Variants in ANKRD31 observed in about 807,000 individuals in gnomAD.
ANKRD31 encodes the protein ankyrin repeat domain 31.
In ANKRD31, 147 loss-of-function variants were observed where a neutral mutation model predicts 186.0. The ratio of observed to expected loss-of-function variants is 0.79; its 90% CI spans 0.69 to 0.91. The LOEUF (loss-of-function observed/expected upper bound fraction) is 0.91. ANKRD31 is among the 40% of genes least tolerant of loss of function. The pLI is 0.00. For synonymous variants in ANKRD31, 673 were observed against 736.4 expected, an observed-to-expected ratio of 0.91 and a Z score of 1.39; for missense variants, 1,986 against 2,148.8, an observed-to-expected ratio of 0.92 and a Z score of 1.50.
intron 1 of ANKRD31, among the ~76,000 whole-genome samples, chr5:75,233,488 G>A (rs1758074664): frequency 6.6e-6 from 1 of 151,774 alleles, no homozygotes; most frequent in South Asian, 2.1e-4. Context: ...TAATTCTTAG[G>A]CTTAACCAGG....
chr5:75,129,059 G>A (rs1010222553), intron 17 of ANKRD31, among the ~76,000 whole-genome samples: 1 of 152,092 alleles, frequency 6.6e-6, no homozygotes, highest in Non-Finnish European at 1.5e-5. Context: ...GGAGGTGATT[G>A]GATCATGAGG....
chr5:75,234,541 A>G (rs1758140267), intron 1 of ANKRD31, among the ~76,000 whole-genome samples: 3 of 152,254 alleles, frequency 2.0e-5, no homozygotes, highest in Non-Finnish European at 2.9e-5. Flanking sequence ...AACAAACAAT[A>G]TAATAGGGTA....
At chr5:75,076,850 C>A (rs975038769) in intron 25 of ANKRD31, among the ~76,000 whole-genome samples, 1 of 152,098 alleles carries the variant, frequency 6.6e-6, no homozygotes, top group Non-Finnish European at 1.5e-5. Context: ...GCGACAAAGA[C>A]CACATATCTT....
At chr5:75,214,411 T>C (rs760452810) in intron 3 of ANKRD31, among the ~76,000 whole-genome samples, 1 of 152,218 alleles carries the variant, frequency 6.6e-6, no homozygotes, top group Non-Finnish European at 1.5e-5. Context: ...TTGGCAGTAG[T>C]GATCAGCTCA....
intron 19 of ANKRD31, among the ~76,000 whole-genome samples, chr5:75,113,085 T>C (rs1231414740): frequency 6.6e-6 from 1 of 152,228 alleles, no homozygotes; most frequent in East Asian, 1.9e-4. Context: ...TCAGTACTAA[T>C]CTTCCTGCCT....
intron 25 of ANKRD31, among the ~76,000 whole-genome samples, chr5:75,077,888 C>A (rs1417498647): frequency 7.1e-6 from 1 of 140,536 alleles, no homozygotes; most frequent in Admixed American, 7.7e-5. Context: ...GCCGAGATAG[C>A]GCCACTGCAC....
chr5:75,231,608 T>C (rs1444169329), intron 1 of ANKRD31, among the ~76,000 whole-genome samples: 4 of 152,134 alleles, frequency 2.6e-5, no homozygotes, highest in African/African-American at 9.7e-5. Context: ...TAGACATTTC[T>C]GCAAAAACGA....
chr5:75,234,907 A>G (rs975002288), intron 1 of ANKRD31, among the ~76,000 whole-genome samples: 5 of 152,000 alleles, frequency 3.3e-5, no homozygotes, highest in African/African-American at 1.2e-4. Flanking sequence ...GGATTCAACT[A>G]AACTATTTTC....
chr5:75,231,830 C>A (rs965608520), intron 1 of ANKRD31, among the ~76,000 whole-genome samples: 2 of 151,730 alleles, frequency 1.3e-5, no homozygotes, highest in African/African-American at 2.4e-5. Flanking sequence ...TGGCTTGAGG[C>A]CAGTTCAAGG....
At chr5:75,149,533 T>G (rs1235126426) in intron 12 of ANKRD31, among the ~76,000 whole-genome samples, 1 of 151,904 alleles carries the variant, frequency 6.6e-6, no homozygotes, top group Non-Finnish European at 1.5e-5. Flanking sequence ...ATAATGTCCT[T>G]TTACCAAGCA....
intron 11 of ANKRD31, 131 bp downstream of exon 11, chr5:75,168,848 A>G (rs1261898648): frequency 2.2e-6 from 2 of 900,374 alleles, no homozygotes; most frequent in Non-Finnish European, 3.1e-6. Context: ...ATTTCATTAT[A>G]AATTCTAAGT....
At chr5:75,106,191 C>T (rs774701149) in intron 21 of ANKRD31, among the ~76,000 whole-genome samples, 22 of 152,022 alleles carry the variant, frequency 1.4e-4, no homozygotes, top group African/African-American at 3.9e-4. Context: ...TGTACATTCA[C>T]GAGAGAATGA....
chr5:75,124,923 A>G (rs1051089514), intron 17 of ANKRD31, among the ~76,000 whole-genome samples: 1 of 152,212 alleles, frequency 6.6e-6, no homozygotes, highest in African/African-American at 2.4e-5. Flanking sequence ...TCCCTGCTCA[A>G]TATATCCATT....
At chr5:75,172,002 T>C (rs913378711) in intron 10 of ANKRD31, among the ~76,000 whole-genome samples, 10 of 152,032 alleles carry the variant, frequency 6.6e-5, no homozygotes, top group African/African-American at 2.4e-4. Flanking sequence ...TCTATAAAGA[T>C]AGATTTTTTA....
chr5:75,187,138 G>GTGTGTGTT (rs1356507861), intron 10 of ANKRD31, among the ~76,000 whole-genome samples: 1 of 151,222 alleles, frequency 6.6e-6, no homozygotes, highest in Non-Finnish European at 1.5e-5. Flanking sequence ...GTGTGTGTGT[G>GTGTGTGTT]TGTGTGTGTG....
At chr5:75,224,161 G>GTATATATATATATATATATATATATATA (rs1166396416) in intron 2 of ANKRD31, among the ~76,000 whole-genome samples, 2 of 36,126 alleles carry the variant, frequency 5.5e-5, no homozygotes, top group Non-Finnish European at 1.0e-4. Context: ...ATATATATAT[G>GTATATATATATATATATATATATATATA]TATATATATA....
intron 11 of ANKRD31, among the ~76,000 whole-genome samples, chr5:75,155,930 CAG>C (rs1471087025): frequency 2.7e-5 from 4 of 148,880 alleles, no homozygotes; most frequent in Admixed American, 2.0e-4. Context: ...TTTTTTGAGA[CAG>C]AGTCTTGCTT....
chr5:75,113,931 C>T (rs1232960113), intron 19 of ANKRD31, among the ~76,000 whole-genome samples: 1 of 152,142 alleles, frequency 6.6e-6, no homozygotes, highest in Non-Finnish European at 1.5e-5. Context: ...AAGAAAACAT[C>T]TTTTGGTGCC....
At chr5:75,181,320 G>A (rs1272004335) in intron 10 of ANKRD31, among the ~76,000 whole-genome samples, 32 of 152,108 alleles carry the variant, frequency 2.1e-4, no homozygotes, top group Admixed American at 6.6e-4. Flanking sequence ...TGTGGAAGTC[G>A]GTGTGGCGAT....
Sources: gnomAD v4.1 joint callset for allele counts (sites outside exome capture counted in the v4.1 genomes callset) on GRCh38, gnomAD v4.1.1 for gene constraint, MANE v1.5 for transcripts, NCBI Gene and HGNC (gene_info 2026-07-23, HGNC 2026-07-21) for gene names.